The following MRPL3 variants were observed in gnomAD, a reference collection of about 807,000 sequenced individuals.
MRPL3 encodes the protein large ribosomal subunit protein uL3m.
In MRPL3, 43 loss-of-function variants were observed where a neutral mutation model predicts 44.3. The observed-to-expected ratio is 0.97, with a 90% confidence interval of 0.76 to 1.25. MRPL3 has a LOEUF of 1.25. Among genes scored for constraint, MRPL3 ranks in the 50% most tolerant of loss-of-function variants. The pLI, the probability that MRPL3 is intolerant of heterozygous loss-of-function variation, is 0.00. For synonymous variants in MRPL3, 171 were observed against 152.3 expected, an observed-to-expected ratio of 1.12 and a Z score of -0.91; for missense variants, 406 against 427.6, an observed-to-expected ratio of 0.95 and a Z score of 0.45.
At chr3:131,474,041 C>T (rs1933798708) in intron 6 of MRPL3, among the ~76,000 whole-genome samples, 1 of 152,136 alleles carries the variant, frequency 6.6e-6, no homozygotes, top group African/African-American at 2.4e-5. Flanking sequence ...TATGATCCAG[C>T]AATCCCACTA....
intron 6 of MRPL3, among the ~76,000 whole-genome samples, chr3:131,486,585 G>A: frequency 6.6e-6 from 1 of 151,446 alleles, no homozygotes. Context: ...CTAATATCCA[G>A]AATCTACAAA....
chr3:131,464,639 C>A (rs1028290833), intron 9 of MRPL3, among the ~76,000 whole-genome samples: 1 of 151,986 alleles, frequency 6.6e-6, no homozygotes, highest in African/African-American at 2.4e-5. Flanking sequence ...ACGAATGAAC[C>A]GTACTTTAGA....
chr3:131,484,759 C>A (rs934484767), intron 6 of MRPL3, among the ~76,000 whole-genome samples: 1 of 152,062 alleles, frequency 6.6e-6, no homozygotes, highest in African/African-American at 2.4e-5. Flanking sequence ...TATAAATTTA[C>A]AAGCATTTAA....
chr3:131,474,399 T>C (rs1933807647), intron 6 of MRPL3, among the ~76,000 whole-genome samples: 1 of 151,912 alleles, frequency 6.6e-6, no homozygotes, highest in African/African-American at 2.4e-5. Context: ...GGGGAGAGGA[T>C]GGGGATGGGA....
rs747948231 is a variant in MRPL3 at position 131,469,710 on chromosome 3, C to G, written c.802G>C (p.Glu268Gln). The change falls in exon 8 of 10, where the codon GAA becomes CAA. Residue 268 changes from glutamate (E) to glutamine (Q), a missense_variant. Glu to Gln is a conservative substitution (Grantham distance 29). Transcript: ENST00000264995. ...GTAACACTTACTTTCAGTCCATATT[C>G]TGTCCTGTATATGTTTCCCATTTTT... The part of the protein sequence containing the change: ...PGKMGNIYRT[E>Q]YGLKVWRINT... 8 of 1,611,200 alleles carry G rather than the reference C, an allele frequency of 5.0e-6. No individual in the cohort carries two copies. The Admixed American group carries it at 1.3e-4, about 27-fold the overall frequency.
chr3:131,464,208 G>A (rs1217098000), intron 9 of MRPL3, among the ~76,000 whole-genome samples: 1 of 152,088 alleles, frequency 6.6e-6, no homozygotes, highest in Non-Finnish European at 1.5e-5. Flanking sequence ...AAAACTTTCT[G>A]TGCTAATTTG....
intron 7 of MRPL3, among the ~76,000 whole-genome samples, chr3:131,470,579 G>A (rs1056984434): frequency 1.3e-5 from 2 of 151,634 alleles, no homozygotes; most frequent in African/African-American, 2.4e-5. Context: ...AATATATTCC[G>A]TTATATATGA....
chr3:131,496,361 T>C (rs908208361), intron 4 of MRPL3, among the ~76,000 whole-genome samples: 4 of 152,190 alleles, frequency 2.6e-5, no homozygotes, highest in African/African-American at 7.2e-5. Flanking sequence ...CTGTTAAGAA[T>C]AGCAGGACAG....
chr3:131,493,889 C>A (rs968476520), intron 4 of MRPL3, among the ~76,000 whole-genome samples: 1 of 152,180 alleles, frequency 6.6e-6, no homozygotes, highest in Non-Finnish European at 1.5e-5. Flanking sequence ...AACAAAGTAT[C>A]CTTCCCCCAA....
chr3:131,467,663 T>A (rs1336625838), intron 9 of MRPL3, among the ~76,000 whole-genome samples: 1 of 152,112 alleles, frequency 6.6e-6, no homozygotes, highest in East Asian at 1.9e-4. Context: ...CCTTTTGCCA[T>A]GATTGTAAGT....
At position 131,490,008 on chromosome 3, in the gene MRPL3, T is replaced by C. The variant is rs755466785; in HGVS notation, c.541A>G (p.Ile181Val). 3.0e-5 allele frequency: 48 copies of C among 1,610,090 alleles called. No homozygotes were observed. Among genetic ancestry groups the C allele is most frequent in the South Asian group, 2.3e-4 (21 of 90,952 alleles). The change falls in exon 5 of 10, where the codon ATA (isoleucine) becomes GTA (valine). Residue 181 changes from isoleucine to valine, a missense_variant. By Grantham distance (29) the Ile-to-Val change is conservative (BLOSUM62 3). Coordinates refer to ENST00000264995, the MANE Select transcript of MRPL3 (RefSeq NM_007208.4). The part of the protein sequence containing the change: ...PPKQTVKIFN[I>V]TDNAAIKPGT... Reference sequence around the variant, plus strand: ...GGTTTAATTGCAGCATTATCTGTTATATTAAAGATTTTAACTGTCTGTTTC... The same window carrying C: ...GGTTTAATTGCAGCATTATCTGTTACATTAAAGATTTTAACTGTCTGTTTC...
chr3:131,463,915 T>C (rs915762190), intron 9 of MRPL3, among the ~76,000 whole-genome samples: 3 of 152,102 alleles, frequency 2.0e-5, no homozygotes, highest in Non-Finnish European at 4.4e-5. Flanking sequence ...ACTTTAGCAA[T>C]AAGAAATGAA....
At chr3:131,484,517 C>T (rs1044425691) in intron 6 of MRPL3, among the ~76,000 whole-genome samples, 2 of 151,908 alleles carry the variant, frequency 1.3e-5, no homozygotes, top group African/African-American at 2.4e-5. Context: ...GGATTAATAT[C>T]CAGAAGATAG....
intron 4 of MRPL3, among the ~76,000 whole-genome samples, chr3:131,495,426 T>G (rs1277805726): frequency 6.6e-6 from 1 of 152,164 alleles, no homozygotes; most frequent in Non-Finnish European, 1.5e-5. Flanking sequence ...TTAGAAATTT[T>G]ATATCTTGAA....
chr3:131,491,195 C>T (rs1934248771), intron 4 of MRPL3, among the ~76,000 whole-genome samples: 1 of 152,092 alleles, frequency 6.6e-6, no homozygotes, highest in South Asian at 2.1e-4. Context: ...TTCTGTGAAC[C>T]CAGTTTAATC....
chr3:131,489,567 A>G (rs938824345), intron 5 of MRPL3, among the ~76,000 whole-genome samples: 9 of 152,096 alleles, frequency 5.9e-5, no homozygotes, highest in Non-Finnish European at 2.9e-5. Context: ...TATCTTGGAA[A>G]TTTTAAGTAA....
At chr3:131,476,222 T>A (rs764322786) in intron 6 of MRPL3, among the ~76,000 whole-genome samples, 1 of 152,202 alleles carries the variant, frequency 6.6e-6, no homozygotes, top group African/African-American at 2.4e-5. Flanking sequence ...CTCTGTACAA[T>A]GAGAACCTCT....
rs755167013 is a variant in MRPL3, at chr3:131,502,714, C to A, written c.92+16G>T. 1 of 1,600,874 alleles carries A rather than the reference C, an allele frequency of 6.2e-7. No individual in the cohort carries two copies. Among genetic ancestry groups the A allele is most frequent in the Non-Finnish European group, 8.5e-7 (1 of 1,171,402 alleles). On this transcript the variant is annotated intron_variant, in intron 1 of 9. Transcript: ENST00000264995. The stretch of plus-strand genomic sequence containing the variant: ...GGACGCAACTGTGCAGGTAGGACAC[C>A]CTCACACCTTCCTACCTGTTCCCCG...
chr3:131,501,985 C>A, intron 1 of MRPL3: 1 of 1,367,194 alleles, frequency 7.3e-7, no homozygotes, highest in Non-Finnish European at 1.0e-6. Flanking sequence ...AACAGTCCTA[C>A]CTATAGACAT....
Sources: allele counts gnomAD v4.1 joint callset (sites outside exome capture counted in the v4.1 genomes callset), GRCh38; gene constraint gnomAD v4.1.1; transcripts MANE v1.5; gene names NCBI Gene and HGNC (gene_info 2026-07-23, HGNC 2026-07-21).